The following IFT74 variants were observed in gnomAD, a reference collection of about 807,000 sequenced individuals.
IFT74 encodes the protein intraflagellar transport 74.
Under a neutral mutation model 96.7 loss-of-function variants are expected in IFT74, and 92 were observed. That is an observed-to-expected ratio of 0.95 (90% CI 0.80 to 1.13). The LOEUF (loss-of-function observed/expected upper bound fraction) is 1.13, where lower values mean the gene tolerates loss of function less well. Ranked by LOEUF, IFT74 falls within the 50% of genes most tolerant of loss-of-function variation. The probability of loss-of-function intolerance (pLI) is 0.00; values close to 1 mark genes in which losing one functional copy is unlikely to be tolerated. For synonymous variants in IFT74, 223 were observed against 213.2 expected (o/e 1.05, Z -0.40); for missense variants, 811 against 698.2 (o/e 1.16, Z -1.82).
rs56953734 is a variant in IFT74, at chr9:26,986,046, T to C, written c.465+1487T>C. ...CCCATGAAAATTTCTAGTGTCAGAA[T>C]TTTCTTTTTTCTAACTCTTTAGTTG... On this transcript the variant is annotated intron_variant, in intron 6 of 19. Coordinates refer to ENST00000380062, the MANE Select transcript of IFT74 (RefSeq NM_025103.4). Among the ~76,000 whole-genome samples the C allele has an allele frequency of 5.7e-3, 868 of 152,264 alleles. 10 individuals are homozygous for C. Among genetic ancestry groups the C allele is most frequent in the African/African-American group, 0.02 (814 of 41,546 alleles).
intron 2 of IFT74, among the ~76,000 whole-genome samples, chr9:26,969,903 C>A (rs1048900121): frequency 1.9e-4 from 29 of 152,240 alleles, no homozygotes; most frequent in African/African-American, 6.5e-4. Flanking sequence ...ATTTCTCCTT[C>A]ATTTATGAAT....
chr9:26,990,615 A>T (rs1240635731), intron 8 of IFT74, among the ~76,000 whole-genome samples: 1 of 152,230 alleles, frequency 6.6e-6, no homozygotes, highest in Non-Finnish European at 1.5e-5. Context: ...TTATATTAGC[A>T]ATCTACGTCA....
intron 8 of IFT74, chr9:26,997,715 T>G (rs1764720572): frequency 6.4e-7 from 1 of 1,574,036 alleles, no homozygotes; most frequent in Non-Finnish European, 8.6e-7. Context: ...TTTGCTTAAT[T>G]ATGATAGCTT....
At chr9:26,968,242 G>T (rs1437394285) in intron 2 of IFT74, among the ~76,000 whole-genome samples, 1 of 148,736 alleles carries the variant, frequency 6.7e-6, no homozygotes, top group East Asian at 2.0e-4. Flanking sequence ...TTTGCTGGGA[G>T]ACGTTTTTTA....
intron 2 of IFT74, among the ~76,000 whole-genome samples, chr9:26,975,494 T>G (rs1319859652): frequency 6.6e-6 from 1 of 152,242 alleles, no homozygotes; most frequent in Non-Finnish European, 1.5e-5. Flanking sequence ...CTCTTTTCTT[T>G]TATGTTTAGT....
chr9:26,996,980 G>T (rs149738921), intron 8 of IFT74, among the ~76,000 whole-genome samples: 3,951 of 152,208 alleles, frequency 0.026, 172 homozygotes, highest in African/African-American at 0.09. Context: ...GGAGGCCGAG[G>T]CGGGTGGATC....
In IFT74 at chr9:26,966,207, A is replaced by G. The variant is rs113676337; in HGVS notation, c.120+4120A>G. ...TTTCCTTTTGCAGTGGGATTGCTGG[A>G]TCATATGATAGTTCTATTTTTAGTT... On this transcript the variant is annotated intron_variant, in intron 2 of 19. Coordinates refer to ENST00000380062, the MANE Select transcript of IFT74 (RefSeq NM_025103.4). 5.7e-3 allele frequency among the ~76,000 whole-genome samples: 863 copies of G among 152,014 alleles called. 10 individuals are homozygous for G. Among genetic ancestry groups the G allele is most frequent in the African/African-American group, 0.02 (809 of 41,462 alleles).
At chr9:27,053,020 C>T (rs1253566760) in intron 16 of IFT74, among the ~76,000 whole-genome samples, 1 of 152,062 alleles carries the variant, frequency 6.6e-6, no homozygotes, top group Non-Finnish European at 1.5e-5. Flanking sequence ...CCCACCACCT[C>T]GCCCGGCTAA....
intron 2 of IFT74, among the ~76,000 whole-genome samples, chr9:26,967,121 C>A (rs1201262544): frequency 7.7e-6 from 1 of 130,306 alleles, no homozygotes; most frequent in African/African-American, 2.9e-5. Flanking sequence ...ATTTTTTTTT[C>A]TATTTTTGAG....
chr9:27,036,773 A>G, intron 13 of IFT74: 1 of 1,152,602 alleles, frequency 8.7e-7, no homozygotes. Flanking sequence ...TCTCAACAAG[A>G]AAATAAAATT....
intron 10 of IFT74, among the ~76,000 whole-genome samples, chr9:27,013,684 G>A (rs1191946049): frequency 6.6e-6 from 1 of 152,050 alleles, no homozygotes; most frequent in African/African-American, 2.4e-5. Flanking sequence ...TTTGGCCAAT[G>A]AATTTCTTTT....
intron 8 of IFT74, chr9:26,997,789 C>T (rs1400992917): frequency 1.2e-6 from 2 of 1,613,878 alleles, no homozygotes; most frequent in Non-Finnish European, 8.5e-7. Flanking sequence ...AAGAGCAGTT[C>T]CATAGGTTTC....
chr9:27,018,427 C>T (rs1350622153), intron 11 of IFT74, among the ~76,000 whole-genome samples: 1 of 152,128 alleles, frequency 6.6e-6, no homozygotes, highest in African/African-American at 2.4e-5. Flanking sequence ...GTGAGTATAT[C>T]AGTTACTACC....
chr9:27,036,438 C>G, intron 13 of IFT74: 1 of 1,613,268 alleles, frequency 6.2e-7, no homozygotes, highest in Non-Finnish European at 8.5e-7. Flanking sequence ...CCCACGGGTT[C>G]TTCATCTGCA....
At chr9:27,055,356 T>C (rs1820114630) in intron 16 of IFT74, among the ~76,000 whole-genome samples, 1 of 152,174 alleles carries the variant, frequency 6.6e-6, no homozygotes, top group African/African-American at 2.4e-5. Context: ...TAAATGTTTG[T>C]TAGCATGGAG....
intron 16 of IFT74, among the ~76,000 whole-genome samples, 158 bp from the exon 17 acceptor site, chr9:27,055,451 T>C (rs182613657): frequency 1.7e-3 from 260 of 152,258 alleles, no homozygotes; most frequent in African/African-American, 5.8e-3. Context: ...GATGAGTATT[T>C]TTTTTTCTTA....
chr9:26,970,368 C>T (rs983242074), intron 2 of IFT74, among the ~76,000 whole-genome samples: 1 of 152,138 alleles, frequency 6.6e-6, no homozygotes, highest in African/African-American at 2.4e-5. Context: ...CATACATACA[C>T]AGTTTGTATG....
At chr9:27,061,702 TA>T (rs1229679895) in intron 19 of IFT74, among the ~76,000 whole-genome samples, 25 of 146,254 alleles carry the variant, frequency 1.7e-4, no homozygotes, top group African/African-American at 6.6e-4. Context: ...TATATGTACA[TA>T]ATATATAATA....
intron 2 of IFT74, chr9:26,976,930 T>C: frequency 2.9e-6 from 1 of 341,114 alleles, no homozygotes; most frequent in Non-Finnish European, 5.7e-6. Flanking sequence ...CCTTTAGTAC[T>C]TACATGGTCA....
Sources: allele counts gnomAD v4.1 joint callset (sites outside exome capture counted in the v4.1 genomes callset), GRCh38; gene constraint gnomAD v4.1.1; transcripts MANE v1.5; gene names NCBI Gene and HGNC (gene_info 2026-07-23, HGNC 2026-07-21).